The following PAG1 variants were observed in gnomAD, a reference collection of about 807,000 sequenced individuals.
The protein encoded by PAG1 is phosphoprotein associated with glycosphingolipid-enriched microdomains 1.
A neutral mutation model predicts 31.7 loss-of-function variants in PAG1; 23 were observed. The observed-to-expected ratio is 0.73, with a 90% CI of 0.52 to 1.03. The LOEUF (loss-of-function observed/expected upper bound fraction) is 1.03. Among genes scored for constraint, PAG1 ranks in the 50% least tolerant of loss-of-function variants. The pLI, the probability that PAG1 is intolerant of heterozygous loss-of-function variation, is 0.00. For synonymous variants in PAG1, 214 were observed against 210.3 expected, an observed-to-expected ratio of 1.02 and a Z score of -0.15; for missense variants, 473 against 540.7, an observed-to-expected ratio of 0.87 and a Z score of 1.24.
intron 3 of PAG1, among the ~76,000 whole-genome samples, chr8:81,006,962 T>C (rs1282235116): frequency 1.3e-5 from 2 of 152,176 alleles, no homozygotes; most frequent in Non-Finnish European, 2.9e-5. Flanking sequence ...CTACCCCCAA[T>C]TTCCATTTTC....
intron 3 of PAG1, among the ~76,000 whole-genome samples, chr8:81,003,964 C>T (rs185010135): frequency 6.6e-5 from 10 of 152,318 alleles, no homozygotes; most frequent in Admixed American, 2.6e-4. Flanking sequence ...GAATCACTCC[C>T]GACAGCCCTT....
chr8:81,090,423 A>G (rs1360516136), intron 1 of PAG1, among the ~76,000 whole-genome samples: 1 of 152,234 alleles, frequency 6.6e-6, no homozygotes, highest in Admixed American at 6.5e-5. Context: ...GCCCAACACC[A>G]CAAATAAGTG....
chr8:81,045,450 T>C (rs182204668), intron 2 of PAG1, among the ~76,000 whole-genome samples: 37 of 152,322 alleles, frequency 2.4e-4, no homozygotes, highest in Non-Finnish European at 4.3e-4. Flanking sequence ...TGATGTCCAC[T>C]GACTGTCTCC....
At chr8:81,074,281 G>C (rs1045796741) in intron 1 of PAG1, among the ~76,000 whole-genome samples, 1 of 152,148 alleles carries the variant, frequency 6.6e-6, no homozygotes, top group Non-Finnish European at 1.5e-5. Context: ...CGTGGGGAGA[G>C]AGCTGTGTTA....
chr8:81,010,733 C>T (rs946537001), intron 3 of PAG1, among the ~76,000 whole-genome samples: 1 of 152,220 alleles, frequency 6.6e-6, no homozygotes, highest in African/African-American at 2.4e-5. Context: ...ACACTTTGTT[C>T]AGCTCAGTTT....
chr8:81,070,427 T>C (rs1398837511), intron 1 of PAG1, among the ~76,000 whole-genome samples: 2 of 152,198 alleles, frequency 1.3e-5, no homozygotes, highest in African/African-American at 4.8e-5. Context: ...TGTAGAAAAG[T>C]AAAAATGATG....
rs896749925 is a variant in PAG1, at chr8:81,065,092, G to C, written c.-175+5020C>G. Among the ~76,000 whole-genome samples the C allele has an allele frequency of 2.6e-5, 4 of 152,112 alleles. No individual in the cohort carries two copies. In the East Asian group the frequency reaches 5.8e-4, roughly 22 times the overall value. ...CTGGCAGAGCACCAGCTGCTCTTGG[G>C]GGGAGGCGCTCAAGGCCCCAGCCTC... On this transcript the variant is annotated intron_variant, in intron 2 of 8. Coordinates refer to ENST00000220597, the MANE Select transcript of PAG1 (RefSeq NM_018440.4).
chr8:81,047,525 C>A (rs1325032305), intron 2 of PAG1, among the ~76,000 whole-genome samples: 1 of 152,066 alleles, frequency 6.6e-6, no homozygotes, highest in Admixed American at 6.6e-5. Flanking sequence ...GGAATGTATA[C>A]AATAATCACT....
At chr8:81,108,185 CA>C (rs5892755) in intron 1 of PAG1, among the ~76,000 whole-genome samples, 18,561 of 152,138 alleles carry the variant, frequency 0.12, 1,365 homozygotes, top group East Asian at 0.22. Flanking sequence ...CAAAAGTGAT[CA>C]GGGGAGACTT....
At chr8:81,082,114 A>T (rs1809276852) in intron 1 of PAG1, among the ~76,000 whole-genome samples, 1 of 151,874 alleles carries the variant, frequency 6.6e-6, no homozygotes, top group African/African-American at 2.4e-5. Flanking sequence ...TCAGCCAGGC[A>T]TGGTGGCACA....
intron 1 of PAG1, among the ~76,000 whole-genome samples, chr8:81,108,949 G>A (rs991318863): frequency 7.9e-5 from 12 of 152,184 alleles, no homozygotes; most frequent in Admixed American, 2.0e-4. Flanking sequence ...CAGGGATGAC[G>A]CTGTTTGTGG....
At chr8:81,000,164 T>G (rs1440544882) in intron 3 of PAG1, among the ~76,000 whole-genome samples, 1 of 152,180 alleles carries the variant, frequency 6.6e-6, no homozygotes, top group Non-Finnish European at 1.5e-5. Context: ...CCAATCTAAT[T>G]TCCTTGAGGG....
chr8:81,013,839 C>T (rs1175636155), intron 3 of PAG1, among the ~76,000 whole-genome samples: 3 of 152,144 alleles, frequency 2.0e-5, no homozygotes, highest in African/African-American at 7.2e-5. Flanking sequence ...CTCAGCCTCC[C>T]AAAGTTCTGG....
intron 2 of PAG1, among the ~76,000 whole-genome samples, chr8:81,069,646 A>T (rs1243262870): frequency 6.6e-6 from 1 of 152,252 alleles, no homozygotes; most frequent in East Asian, 1.9e-4. Context: ...TAATACCATG[A>T]ATAATGATAA....
chr8:81,083,144 C>T lies in PAG1; in HGVS notation c.-233-12974G>A, dbSNP rs115521519. ...TGGGGTAGAATCAGGTTCCCTACTACACCTCCCCTGATACCTGAGGGGGAT... is the reference window on the plus strand; with the variant it reads ...TGGGGTAGAATCAGGTTCCCTACTATACCTCCCCTGATACCTGAGGGGGAT... On this transcript the variant is annotated intron_variant, in intron 1 of 8. Transcript: ENST00000220597. Among the ~76,000 whole-genome samples the T allele has an allele frequency of 3.2e-3, 491 of 152,264 alleles. 2 individuals carry two copies. Among genetic ancestry groups the T allele is most frequent in the African/African-American group, 0.011 (466 of 41,558 alleles).
chr8:81,010,790 A>C (rs1807968483), intron 3 of PAG1, among the ~76,000 whole-genome samples: 1 of 152,218 alleles, frequency 6.6e-6, no homozygotes, highest in Non-Finnish European at 1.5e-5. Context: ...GGACCCAACC[A>C]TTCCAGCCTC....
At chr8:81,012,970 C>A (rs375816431) in intron 3 of PAG1, among the ~76,000 whole-genome samples, 4 of 152,170 alleles carry the variant, frequency 2.6e-5, no homozygotes, top group African/African-American at 9.7e-5. Context: ...TTTTGCCTAC[C>A]CATGTCCGTC....
At chr8:80,984,700 G>A in intron 7 of PAG1, 76 bp downstream of exon 7, 2 of 1,388,034 alleles carry the variant, frequency 1.4e-6, no homozygotes, top group Non-Finnish European at 2.0e-6. Flanking sequence ...ATATTTCCCA[G>A]AACAACTCCA....
chr8:81,082,966 A>AT (rs35125651), intron 1 of PAG1, among the ~76,000 whole-genome samples: 10,783 of 144,610 alleles, frequency 0.075, 1,262 homozygotes, highest in African/African-American at 0.25. Context: ...ATCACAAGTG[A>AT]TTTTTTTTTT....
Sources: allele counts gnomAD v4.1 joint callset (sites outside exome capture counted in the v4.1 genomes callset), GRCh38; gene constraint gnomAD v4.1.1; transcripts MANE v1.5; gene names NCBI Gene and HGNC (gene_info 2026-07-23, HGNC 2026-07-21).